The following TADA2B variants were observed in gnomAD, a reference collection of about 807,000 sequenced individuals.
TADA2B encodes the protein transcriptional adapter 2-beta.
A neutral mutation model predicts 34.5 loss-of-function variants in TADA2B; 13 were observed. The ratio of observed to expected loss-of-function variants is 0.38; its 90% CI spans 0.25 to 0.60. The LOEUF (loss-of-function observed/expected upper bound fraction) is 0.60, where lower values mean the gene tolerates loss of function less well. Ranked by LOEUF, TADA2B falls within the 20% of genes least tolerant of loss-of-function variation. TADA2B has a pLI of 0.65. For synonymous variants in TADA2B, 240 were observed against 243.4 expected, an observed-to-expected ratio of 0.99 and a Z score of 0.13; for missense variants, 442 against 575.0, an observed-to-expected ratio of 0.77 and a Z score of 2.37.
chr4:7,044,047 C>G (rs571770396), intron 1 of TADA2B, among the ~76,000 whole-genome samples, 198 bp downstream of exon 1: 1 of 152,368 alleles, frequency 6.6e-6, no homozygotes, highest in East Asian at 1.9e-4. Context: ...TGTGACGCGC[C>G]CAAGGTCACA....
intron 1 of TADA2B, chr4:7,045,561 C>T (rs1382584665): frequency 6.6e-6 from 1 of 152,216 alleles, no homozygotes; most frequent in Non-Finnish European, 1.5e-5. Flanking sequence ...TTTCTTCTAC[C>T]TAGAGTGCTC....
At chr4:7,050,738 T>G (rs1723747603) in intron 1 of TADA2B, among the ~76,000 whole-genome samples, 1 of 152,240 alleles carries the variant, frequency 6.6e-6, no homozygotes, top group Non-Finnish European at 1.5e-5. Flanking sequence ...GCCTGAGCTG[T>G]GGCACGTCTC....
At chr4:7,050,242 C>T (rs566440421) in intron 1 of TADA2B, among the ~76,000 whole-genome samples, 2 of 152,378 alleles carry the variant, frequency 1.3e-5, no homozygotes, top group African/African-American at 2.4e-5. Flanking sequence ...CAGTGGTTCC[C>T]TCCTGTCCTT....
chr4:7,054,970 TC>T lies in TADA2B; in HGVS notation c.1181del (p.Pro394LeufsTer8). The T allele has an allele frequency of 6.2e-7, 1 of 1,613,884 alleles. No individual in the cohort carries two copies. The highest frequency in any genetic ancestry group is 8.5e-7 in the Non-Finnish European group (1 of 1,179,880). On this transcript the variant is annotated frameshift_variant, in exon 2 of 2. Transcript: ENST00000310074. LOFTEE classifies it high-confidence loss of function. ...AAGGAATCCCCTCCAAAAGCCGCCT[TC>T]CTAGCTACCTGGACAAAGTCCTAAA... ...RQGIPSKSRL[P>X]SYLDKVLKKR... is the part of the protein sequence containing the mutation.
chr4:7,047,316 C>T lies in TADA2B; in HGVS notation c.270+3467C>T, dbSNP rs141001246. On this transcript the variant is annotated intron_variant, in intron 1 of 1. Transcript: ENST00000310074. Reference sequence around the variant, plus strand: ...CAGGTGGTGGTCAGGAGGGCTTTGGCGGGGAAGTGGGGTTCAAGCTGGCCC... The same window carrying T: ...CAGGTGGTGGTCAGGAGGGCTTTGGTGGGGAAGTGGGGTTCAAGCTGGCCC... 6.6e-5 allele frequency among the ~76,000 whole-genome samples: 10 copies of T among 152,234 alleles called. No individual in the cohort carries two copies. In the East Asian group the frequency reaches 7.7e-4, roughly 12 times the overall value.
rs778373740 is a variant in TADA2B, at chr4:7,056,936, C to A, written c.*1882C>A. On this transcript the variant is annotated 3_prime_UTR_variant, in exon 2 of 2. Coordinates refer to ENST00000310074, the MANE Select transcript of TADA2B (RefSeq NM_152293.3). ...TTAGAATGCAGACGCGCAGGCCCCACCTGGCCTCCTGAATCAAAATGGTGT... is the reference window on the plus strand; with the variant it reads ...TTAGAATGCAGACGCGCAGGCCCCAACTGGCCTCCTGAATCAAAATGGTGT... 1 of 152,224 alleles carries A rather than the reference C, an allele frequency of 6.6e-6. No individual in the cohort carries two copies. The allele number at this position is 152,224 out of a possible 1,614,324, so 9.4% of individuals were successfully genotyped here. A position where few individuals can be genotyped will look rare whatever the true frequency, so the allele number is the denominator to read the frequency against.
intron 1 of TADA2B, among the ~76,000 whole-genome samples, chr4:7,044,632 G>T (rs1723577379): frequency 6.6e-6 from 1 of 152,134 alleles, no homozygotes; most frequent in African/African-American, 2.4e-5. Context: ...CTTCCACTCT[G>T]GAAGCTTGCA....
chr4:7,045,383 G>C (rs903346281), intron 1 of TADA2B, among the ~76,000 whole-genome samples: 1 of 152,080 alleles, frequency 6.6e-6, no homozygotes, highest in Non-Finnish European at 1.5e-5. Context: ...CTCCTTGTTC[G>C]TTATTCCCCC....
In TADA2B at chr4:7,043,806, AGCT is replaced by A; in HGVS notation, c.235_237del (p.Leu79del). 6.5e-7 allele frequency: 1 copy of A among 1,528,400 alleles called. No individual in the cohort carries two copies. The highest frequency in any genetic ancestry group is 8.8e-7 in the Non-Finnish European group (1 of 1,138,214). 94.7% of individuals were successfully genotyped at this position (1,528,400 alleles called of 1,614,324 possible). ...GGCGGCTGGACCAGTCGCGAGGAGC[AGCT>A]GCTGCTGGACGCCATCGAGCAGTTC... On this transcript the variant is annotated inframe_deletion, in exon 1 of 2. Coordinates refer to ENST00000310074, the MANE Select transcript of TADA2B (RefSeq NM_152293.3).
Position 7,043,741 on chromosome 4 carries a change from G to A in TADA2B, c.162G>A (p.Val54=). Residue 54 remains valine (V), a synonymous_variant, in exon 1 of 2, where the codon GTG becomes GTA. Coordinates refer to ENST00000310074, the MANE Select transcript of TADA2B (RefSeq NM_152293.3). ...GCCGCTACCACGGCTACCAGCTGGT[G>A]GACGGCGGGCGCTTCACGCTCTGGG... ...HHRRYHGYQL[V]DGGRFTLWGP... is the part of the protein sequence containing the mutation. 2 of 1,587,940 alleles carry A rather than the reference G, an allele frequency of 1.3e-6. No homozygotes were observed. Among genetic ancestry groups the A allele is most frequent in the Non-Finnish European group, 1.7e-6 (2 of 1,172,786 alleles).
chr4:7,054,234 C>G lies in TADA2B; in HGVS notation c.443C>G (p.Thr148Ser). 2 of 1,608,680 alleles carry G rather than the reference C, an allele frequency of 1.2e-6. No individual in the cohort carries two copies. The highest frequency in any genetic ancestry group is 1.7e-6 in the Non-Finnish European group (2 of 1,177,732). The change falls in exon 2 of 2, where the codon ACC becomes AGC. Residue 148 changes from threonine (T) to serine (S), a missense_variant. Transcript: ENST00000310074. ...GGAGGCCCCCTCTCACCCAGCCTCA[C>G]CACCCCGCTGCCCCCGCTGGACATC... Reference protein sequence around the residue: ...PSGGPLSPSLTTPLPPLDISV... With the variant: ...PSGGPLSPSLSTPLPPLDISV...
intron 1 of TADA2B, among the ~76,000 whole-genome samples, chr4:7,044,503 C>G (rs1034542415): frequency 6.6e-6 from 1 of 152,174 alleles, no homozygotes; most frequent in Non-Finnish European, 1.5e-5. Flanking sequence ...TCTGTAGAGA[C>G]AGCCCTGTGT....
intron 1 of TADA2B, among the ~76,000 whole-genome samples, chr4:7,049,200 T>C (rs1320392348): frequency 6.6e-6 from 1 of 152,118 alleles, no homozygotes; most frequent in Admixed American, 6.5e-5. Context: ...TACCTCAGCC[T>C]CTCAAGTAGC....
chr4:7,051,856 CAA>C (rs1272105048), intron 1 of TADA2B, among the ~76,000 whole-genome samples: 1 of 152,218 alleles, frequency 6.6e-6, no homozygotes, highest in Non-Finnish European at 1.5e-5. Flanking sequence ...CTCGGCCTCC[CAA>C]AGTGTTGGGA....
Position 7,043,451 on chromosome 4 carries a change from G to A in TADA2B, c.-129G>A. On this transcript the variant is annotated 5_prime_UTR_variant, in exon 1 of 2. Transcript: ENST00000310074. ...CGGCTGGGCTGGGGCCGCGGTGGCG[G>A]CAGCCGCGGCGGCGGGCGGCGGTTG... 7 of 347,946 alleles carry A rather than the reference G, an allele frequency of 2.0e-5. No individual in the cohort carries two copies. Among genetic ancestry groups the A allele is most frequent in the Non-Finnish European group, 2.8e-5 (7 of 250,326 alleles). 21.6% of individuals were successfully genotyped at this position (347,946 alleles called of 1,614,324 possible).
chr4:7,044,428 A>G (rs1253477360), intron 1 of TADA2B, among the ~76,000 whole-genome samples: 1 of 152,208 alleles, frequency 6.6e-6, no homozygotes, highest in African/African-American at 2.4e-5. Context: ...TCAGTAAAGA[A>G]TGAACAAAGA....
chr4:7,051,588 G>GT (rs34072145), intron 1 of TADA2B, among the ~76,000 whole-genome samples: 4,885 of 144,552 alleles, frequency 0.034, 104 homozygotes, highest in African/African-American at 0.065. Flanking sequence ...AAGTAAGTAA[G>GT]TTTTTTTTTT....
chr4:7,053,963 A>C, intron 1 of TADA2B, 99 bp from the exon 2 acceptor site: 1 of 1,365,094 alleles, frequency 7.3e-7, no homozygotes, highest in South Asian at 1.5e-5. Context: ...TGTAGGAAGT[A>C]CTCTAGGTCA....
At chr4:7,051,471 A>T (rs141110228) in intron 1 of TADA2B, among the ~76,000 whole-genome samples, 254 of 152,250 alleles carry the variant, frequency 1.7e-3, no homozygotes, top group Non-Finnish European at 3.1e-3. Context: ...AGACCCCACG[A>T]GGCACACTAA....
Sources: allele counts gnomAD v4.1 joint callset (sites outside exome capture counted in the v4.1 genomes callset), GRCh38; gene constraint gnomAD v4.1.1; transcripts MANE v1.5; gene names NCBI Gene and HGNC (gene_info 2026-07-23, HGNC 2026-07-21).